Variants in AHNAK observed in about 807,000 individuals in gnomAD.
The protein encoded by AHNAK is neuroblast differentiation-associated protein AHNAK.
AHNAK carries 23 observed loss-of-function variants against 37.8 expected under a neutral mutation model. That is an observed-to-expected ratio of 0.61 (90% CI 0.44 to 0.86). The LOEUF is 0.86. AHNAK is among the 40% of genes least tolerant of loss of function. The pLI, the probability that AHNAK is intolerant of heterozygous loss-of-function variation, is 0.00. For missense variants in AHNAK, 7,411 were observed against 7,319.4 expected, an observed-to-expected ratio of 1.01 and a Z score of -0.46; for synonymous variants, 2,481 against 2,636.3, an observed-to-expected ratio of 0.94 and a Z score of 1.80.
In AHNAK at chr11:62,521,105, G is replaced by A; in HGVS notation, c.13312C>T (p.Pro4438Ser). 1 of 1,613,918 alleles carries A rather than the reference G, an allele frequency of 6.2e-7. No individual in the cohort carries two copies. Among genetic ancestry groups the A allele is most frequent in the Non-Finnish European group, 8.5e-7 (1 of 1,179,976 alleles). Residue 4438 changes from proline to serine, a missense_variant, in exon 5 of 5, where the codon CCG (proline) becomes TCG (serine). Physicochemically the swap from Pro to Ser is moderately conservative, Grantham distance 74. Transcript: ENST00000378024. ...IDTPDVNIEG[P>S]EGKLKGPKFK... The stretch of plus-strand genomic sequence containing the variant: ...TTGGGCCCCTTCAATTTTCCTTCCG[G>A]ACCTTCAATATTGACATCAGGTGTG...
intron 5 of AHNAK, among the ~76,000 whole-genome samples, chr11:62,441,423 T>C (rs1402387122): frequency 1.3e-5 from 2 of 152,138 alleles, no homozygotes; most frequent in East Asian, 3.9e-4. Context: ...CAGTGACCTG[T>C]GATGGAGCCA....
intron 4 of AHNAK, among the ~76,000 whole-genome samples, chr11:62,496,393 G>A (rs994183476): frequency 2.6e-5 from 4 of 152,078 alleles, no homozygotes; most frequent in African/African-American, 4.8e-5. Context: ...TAAACTGTAC[G>A]GAAATCATCA....
rs558380801 is a variant in AHNAK, at chr11:62,443,533, A to G, written c.443-9642T>C. 6.2e-4 allele frequency among the ~76,000 whole-genome samples: 95 copies of G among 152,110 alleles called. 1 individual carries two copies. Among genetic ancestry groups the G allele is most frequent in the African/African-American group, 2.2e-3 (93 of 41,482 alleles). On this transcript the variant is annotated intron_variant, in intron 5 of 5. Transcript: ENST00000257247. Reference sequence around the variant, plus strand: ...GTGATCTGCCTGCCTCGGCCTCCCCAAGTTCTAGGATTACAGGCTTGAGCC... The same window carrying G: ...GTGATCTGCCTGCCTCGGCCTCCCCGAGTTCTAGGATTACAGGCTTGAGCC...
intron 1 of AHNAK, among the ~76,000 whole-genome samples, chr11:62,544,718 T>TC (rs1298801530): frequency 1.3e-5 from 2 of 151,898 alleles, no homozygotes; most frequent in African/African-American, 2.4e-5. Flanking sequence ...GAAGGAAGCT[T>TC]CCCCCCATTC....
chr11:62,545,236 A>G (rs980198032), intron 1 of AHNAK, among the ~76,000 whole-genome samples: 2 of 152,222 alleles, frequency 1.3e-5, no homozygotes, highest in African/African-American at 2.4e-5. Context: ...CGAAACCGGC[A>G]AGCACACACA....
At position 62,530,838 on chromosome 11, in the gene AHNAK, G is replaced by A; in HGVS notation, c.3579C>T (p.Pro1193=). The part of the protein sequence containing the change: ...FKMPEMHFKT[P]KISMPDVDLH... ...AGTCCACATCAGGCATGGAGATCTTGGGGGTCTTGAAATGCATCTCAGGCA... is the reference window on the plus strand; with the variant it reads ...AGTCCACATCAGGCATGGAGATCTTAGGGGTCTTGAAATGCATCTCAGGCA... The change falls in exon 5 of 5, where the codon CCC becomes CCT. Residue 1193 remains proline (P), a synonymous_variant. Transcript: ENST00000378024. 2 of 1,613,820 alleles carry A rather than the reference G, an allele frequency of 1.2e-6. No individual in the cohort carries two copies. Among genetic ancestry groups the A allele is most frequent in the South Asian group, 2.2e-5 (2 of 91,050 alleles).
chr11:62,530,058 T>G lies in AHNAK; in HGVS notation c.4359A>C (p.Ile1453=), dbSNP rs942637418. The G allele has an allele frequency of 1.2e-6, 2 of 1,613,842 alleles. No homozygotes were observed. The highest frequency in any genetic ancestry group is 1.7e-6 in the Non-Finnish European group (2 of 1,179,970). The stretch of plus-strand genomic sequence containing the variant: ...CTTTCAAATGCAAACCAACATCTGG[T>G]ATGGATATCTTCTGAGGCTTTATAC... ...EMSIKPQKIS[I]PDVGLHLKGP... is the part of the protein sequence containing the mutation. The change falls in exon 5 of 5, where the codon ATA becomes ATC. Residue 1453 remains isoleucine, a synonymous_variant. Transcript: ENST00000378024.
intron 4 of AHNAK, among the ~76,000 whole-genome samples, chr11:62,495,300 GA>G (rs958562168): frequency 6.6e-5 from 10 of 151,988 alleles, no homozygotes; most frequent in South Asian, 2.1e-4. Context: ...ATGAAAGAAG[GA>G]AAAAAAATCC....
chr11:62,443,198 G>A (rs536965172), intron 5 of AHNAK, among the ~76,000 whole-genome samples: 1 of 151,078 alleles, frequency 6.6e-6, no homozygotes, highest in South Asian at 2.1e-4. Flanking sequence ...GGCTTGTCTC[G>A]AACTCCTGGC....
chr11:62,475,572 A>G (rs2134857524), intron 5 of AHNAK, among the ~76,000 whole-genome samples: 1 of 142,500 alleles, frequency 7.0e-6, no homozygotes, highest in South Asian at 2.3e-4. Context: ...ATATTGGAAT[A>G]TATTCTTAAA....
chr11:62,517,579 A>G lies in AHNAK; in HGVS notation c.16838T>C (p.Phe5613Ser). Residue 5613 changes from phenylalanine to serine, a missense_variant, in exon 5 of 5, where the codon TTT becomes TCT. Coordinates refer to ENST00000378024, the MANE Select transcript of AHNAK (RefSeq NM_001620.3). The stretch of plus-strand genomic sequence containing the variant: ...TCCTGAGAAATGAAGGCCCCCAGCA[A>G]ACTTAGATGTGTCCAAGTTGAGAGC... ...SSALNLDTSK[F>S]AGGLHFSGPK... 1 of 1,614,074 alleles carries G rather than the reference A, an allele frequency of 6.2e-7. No individual in the cohort carries two copies.
rs138755920 is a variant in AHNAK at position 62,525,488 on chromosome 11, C to A, written c.8929G>T (p.Val2977Leu). The A allele has an allele frequency of 6.2e-7, 1 of 1,613,484 alleles. No homozygotes were observed. The stretch of plus-strand genomic sequence containing the variant: ...AGAGAAATATCCACATCGCCCTTCA[C>A]CTTGGGACCTTTCAGATGCAAATCA... ...DFDLHLKGPK[V>L]KGDVDISLPK... The change falls in exon 5 of 5, where the codon GTG becomes TTG. Residue 2977 changes from valine (V) to leucine (L), a missense_variant. By Grantham distance (32) the Val-to-Leu change is conservative. Coordinates refer to ENST00000378024, the MANE Select transcript of AHNAK (RefSeq NM_001620.3).
rs780127213 is a variant in AHNAK at position 62,525,706 on chromosome 11, A to T, written c.8711T>A (p.Met2904Lys). 1.9e-6 allele frequency: 3 copies of T among 1,613,540 alleles called. No homozygotes were observed. The Admixed American group carries it at 5.0e-5, about 27-fold the overall frequency. ...AGGGCCCTCTGCTTTGAAGCCAGGCATGCTGAACTTGGGCATTTTCATCTT... is the reference window on the plus strand; with the variant it reads ...AGGGCCCTCTGCTTTGAAGCCAGGCTTGCTGAACTTGGGCATTTTCATCTT... Reference protein sequence around the residue: ...MPKMKMPKFSMPGFKAEGPEV... With the variant: ...MPKMKMPKFSKPGFKAEGPEV... Residue 2904 changes from methionine (M) to lysine (K), a missense_variant, in exon 5 of 5, where the codon ATG (methionine) becomes AAG (lysine). Coordinates refer to ENST00000378024, the MANE Select transcript of AHNAK (RefSeq NM_001620.3).
intron 5 of AHNAK, among the ~76,000 whole-genome samples, chr11:62,459,432 A>C (rs1415574369): frequency 6.6e-6 from 1 of 152,116 alleles, no homozygotes; most frequent in Non-Finnish European, 1.5e-5. Context: ...CATGAAAATC[A>C]TGGGATGTCA....
intron 5 of AHNAK, among the ~76,000 whole-genome samples, chr11:62,472,161 C>T (rs2134850206): frequency 1.3e-5 from 2 of 152,184 alleles, no homozygotes; most frequent in South Asian, 4.2e-4. Context: ...CCTTCACTGA[C>T]TTCCCATGCC....
rs183375258 is a variant in AHNAK, at chr11:62,473,071, C to T, written c.442+18661G>A. ...CTATACTCCACCCTGGGCAACAGAG[C>T]AAGACTCCATCTCAAAAAAAAAAAA... On this transcript the variant is annotated intron_variant, in intron 5 of 5. Coordinates refer to the AHNAK transcript ENST00000257247. Among the ~76,000 whole-genome samples, 385 of 102,126 alleles carry T rather than the reference C, an allele frequency of 3.8e-3. 7 individuals are homozygous for T. In the Admixed American group the frequency reaches 0.04, roughly 11 times the overall value. The allele number at this position is 102,126 out of a possible 152,430, so 67.0% of individuals were successfully genotyped here. A position where few individuals can be genotyped will look rare whatever the true frequency, so the allele number is the denominator to read the frequency against.
At chr11:62,486,541 AG>A (rs1939399425) in intron 5 of AHNAK, among the ~76,000 whole-genome samples, 2 of 270 alleles carry the variant, frequency 7.4e-3, no homozygotes, top group South Asian at 0.5. Context: ...GAAGGAAGGA[AG>A]GGAGGGAGGG....
At chr11:62,444,815 A>C (rs1021047330) in intron 5 of AHNAK, among the ~76,000 whole-genome samples, 2 of 152,228 alleles carry the variant, frequency 1.3e-5, no homozygotes, top group Admixed American at 1.3e-4. Context: ...GCATAAGCTC[A>C]CTGAATCCCG....
At chr11:62,446,529 G>A (rs532835585) in intron 5 of AHNAK, among the ~76,000 whole-genome samples, 22 of 152,288 alleles carry the variant, frequency 1.4e-4, no homozygotes, top group African/African-American at 4.8e-4. Context: ...GTTTTCTAAA[G>A]AGTCTATTAT....
Sources: allele counts gnomAD v4.1 joint callset (sites outside exome capture counted in the v4.1 genomes callset), GRCh38; gene constraint gnomAD v4.1.1; transcripts MANE v1.5; gene names NCBI Gene and HGNC (gene_info 2026-07-23, HGNC 2026-07-21).